Variants in PDE6D observed in about 807,000 individuals in gnomAD.
The protein encoded by PDE6D is phosphodiesterase 6D.
Under a neutral mutation model 21.9 loss-of-function variants are expected in PDE6D, and 10 were observed. The ratio of observed to expected loss-of-function variants is 0.46; its 90% CI spans 0.28 to 0.78. The LOEUF (loss-of-function observed/expected upper bound fraction) is 0.78, where lower values mean the gene tolerates loss of function less well. Among genes scored for constraint, PDE6D ranks in the 30% least tolerant of loss-of-function variants. PDE6D has a pLI of 0.12. For missense variants in PDE6D, 139 were observed against 184.8 expected (o/e 0.75, Z 1.44); for synonymous variants, 59 against 63.5 (o/e 0.93, Z 0.34).
intron 1 of PDE6D, among the ~76,000 whole-genome samples, chr2:231,780,598 C>G (rs2106293059): frequency 6.6e-6 from 1 of 152,330 alleles, no homozygotes; most frequent in African/African-American, 2.4e-5. Context: ...TTGTCCCACA[C>G]AAGGTCGCCC....
rs1194217348 is a variant in PDE6D at position 231,771,051 on chromosome 2, G to A, written c.50+10014C>T. ...TGAGGTGGGAGGATCACTTGAGCCTGGGAGGTTAAGGCTGCAGTGAGCTGA... is the reference window on the plus strand; with the variant it reads ...TGAGGTGGGAGGATCACTTGAGCCTAGGAGGTTAAGGCTGCAGTGAGCTGA... On this transcript the variant is annotated intron_variant, in intron 1 of 4. Coordinates refer to ENST00000287600, the MANE Select transcript of PDE6D (RefSeq NM_002601.4). 2.0e-5 allele frequency among the ~76,000 whole-genome samples: 3 copies of A among 151,652 alleles called. No individual in the cohort carries two copies. The East Asian group carries it at 5.8e-4, about 29-fold the overall frequency.
chr2:231,754,357 CTTTTTTT>C (rs1032135919), intron 1 of PDE6D, among the ~76,000 whole-genome samples: 1 of 132,672 alleles, frequency 7.5e-6, no homozygotes, highest in Non-Finnish European at 1.6e-5. Context: ...TGGCTTTTGT[CTTTTTTT>C]TTTTTTTTTT....
At chr2:231,780,991 G>T in intron 1 of PDE6D, 74 bp downstream of exon 1, 2 of 1,333,324 alleles carry the variant, frequency 1.5e-6, no homozygotes, top group Non-Finnish European at 2.1e-6. Flanking sequence ...CGCGGCCCCC[G>T]CCCCCGGCCA....
intron 1 of PDE6D, among the ~76,000 whole-genome samples, chr2:231,757,135 T>C (rs1035609808): frequency 6.6e-6 from 1 of 151,726 alleles, no homozygotes. Context: ...ATTTTTTATA[T>C]ATTTAGTAGA....
chr2:231,765,972 G>C (rs1301541487), intron 1 of PDE6D, among the ~76,000 whole-genome samples: 6 of 152,088 alleles, frequency 3.9e-5, no homozygotes, highest in Admixed American at 3.9e-4. Context: ...CCTTAGTGTT[G>C]GTTATACAGA....
chr2:231,760,588 C>T (rs2048917991), intron 1 of PDE6D, among the ~76,000 whole-genome samples: 1 of 152,064 alleles, frequency 6.6e-6, no homozygotes. Context: ...CCCCAGCTAT[C>T]CTGCATACCC....
At chr2:231,758,081 A>C (rs1332401173) in intron 1 of PDE6D, among the ~76,000 whole-genome samples, 2 of 152,170 alleles carry the variant, frequency 1.3e-5, no homozygotes, top group Non-Finnish European at 2.9e-5. Flanking sequence ...CAATAAATGT[A>C]ATTGTAAAAG....
At chr2:231,765,495 T>C (rs931596447) in intron 1 of PDE6D, among the ~76,000 whole-genome samples, 3 of 152,196 alleles carry the variant, frequency 2.0e-5, no homozygotes, top group African/African-American at 7.2e-5. Context: ...TACTCATAAA[T>C]TATATATGGG....
chr2:231,749,124 C>T (rs967842844), intron 1 of PDE6D, among the ~76,000 whole-genome samples: 5 of 152,148 alleles, frequency 3.3e-5, no homozygotes, highest in Non-Finnish European at 5.9e-5. Flanking sequence ...CAACTTGCAC[C>T]GTGCACCTGG....
chr2:231,752,592 C>T (rs939672928), intron 1 of PDE6D, among the ~76,000 whole-genome samples: 1 of 152,042 alleles, frequency 6.6e-6, no homozygotes, highest in Non-Finnish European at 1.5e-5. Context: ...AAGGAAAACA[C>T]AACTGAAAGC....
At chr2:231,761,829 ATC>A (rs2048932638) in intron 1 of PDE6D, among the ~76,000 whole-genome samples, 1 of 152,188 alleles carries the variant, frequency 6.6e-6, no homozygotes, top group Non-Finnish European at 1.5e-5. Context: ...GCAGTCAAAT[ATC>A]TTTCTCAGGA....
intron 1 of PDE6D, among the ~76,000 whole-genome samples, chr2:231,769,562 A>C (rs975165430): frequency 6.6e-6 from 1 of 152,084 alleles, no homozygotes; most frequent in Non-Finnish European, 1.5e-5. Flanking sequence ...ATATATATAT[A>C]TACACATACA....
chr2:231,762,986 G>C (rs7564574), intron 1 of PDE6D, among the ~76,000 whole-genome samples: 24,345 of 151,982 alleles, frequency 0.16, 2,458 homozygotes, highest in Middle Eastern at 0.33. Flanking sequence ...AGCATTTGGT[G>C]GTATGCTCCA....
chr2:231,766,349 A>G (rs1371020678), intron 1 of PDE6D, among the ~76,000 whole-genome samples: 1 of 152,172 alleles, frequency 6.6e-6, no homozygotes, highest in Non-Finnish European at 1.5e-5. Flanking sequence ...AATAACGCAA[A>G]CCTTTCTTTT....
intron 1 of PDE6D, among the ~76,000 whole-genome samples, chr2:231,766,021 A>G (rs1480316245): frequency 6.6e-6 from 1 of 152,200 alleles, no homozygotes; most frequent in East Asian, 1.9e-4. Context: ...ACCAATTCTA[A>G]TTCACGGTCA....
chr2:231,754,523 A>AT (rs34036079), intron 1 of PDE6D, among the ~76,000 whole-genome samples: 10,260 of 128,948 alleles, frequency 0.08, 407 homozygotes, highest in African/African-American at 0.1. Flanking sequence ...TGCCTGGCTA[A>AT]TTTTTTTTTT....
chr2:231,763,493 G>A (rs2048947744), intron 1 of PDE6D, among the ~76,000 whole-genome samples: 1 of 152,046 alleles, frequency 6.6e-6, no homozygotes. Context: ...CCACAGACTG[G>A]TCCTGGTCTG....
At chr2:231,749,121 C>A (rs868470345) in intron 1 of PDE6D, among the ~76,000 whole-genome samples, 1 of 152,184 alleles carries the variant, frequency 6.6e-6, no homozygotes, top group South Asian at 2.1e-4. Flanking sequence ...CACCAACTTG[C>A]ACCGTGCACC....
chr2:231,758,676 G>C (rs2048902616), intron 1 of PDE6D, among the ~76,000 whole-genome samples: 1 of 152,148 alleles, frequency 6.6e-6, no homozygotes, highest in South Asian at 2.1e-4. Flanking sequence ...ACCATGACTT[G>C]ACAAAGTGTC....
Sources: gnomAD v4.1 joint callset for allele counts (sites outside exome capture counted in the v4.1 genomes callset) on GRCh38, gnomAD v4.1.1 for gene constraint, MANE v1.5 for transcripts, NCBI Gene and HGNC (gene_info 2026-07-23, HGNC 2026-07-21) for gene names.